Variants in DPYD observed in about 807,000 individuals in gnomAD.
DPYD encodes dihydropyrimidine dehydrogenase.
In DPYD, 109 loss-of-function variants were observed where a neutral mutation model predicts 116.2. That is an observed-to-expected ratio of 0.94 (90% CI 0.80 to 1.10). The LOEUF (loss-of-function observed/expected upper bound fraction) is 1.10. Ranked by LOEUF, DPYD falls within the 50% of genes least tolerant of loss-of-function variation. The pLI is 0.00. For synonymous variants in DPYD, 440 were observed against 432.0 expected (o/e 1.02, Z -0.23); for missense variants, 1,302 against 1,254.5 (o/e 1.04, Z -0.57).
At chr1:97,314,102 T>A (rs1236930308) in intron 16 of DPYD, among the ~76,000 whole-genome samples, 1 of 151,938 alleles carries the variant, frequency 6.6e-6, no homozygotes. Flanking sequence ...ATGCTCTCCA[T>A]CAGTGAGCTA....
At chr1:97,758,645 TCCAC>T (rs1333619019) in intron 3 of DPYD, among the ~76,000 whole-genome samples, 1 of 152,198 alleles carries the variant, frequency 6.6e-6, no homozygotes, top group Non-Finnish European at 1.5e-5. Context: ...TTCCAGCTTC[TCCAC>T]CCTGTAGTTC....
chr1:97,490,671 T>C (rs1374689399), intron 13 of DPYD, among the ~76,000 whole-genome samples: 1 of 151,152 alleles, frequency 6.6e-6, no homozygotes, highest in African/African-American at 2.4e-5. Flanking sequence ...GAAGGTGAAC[T>C]TAGGTGTACA....
intron 13 of DPYD, among the ~76,000 whole-genome samples, chr1:97,489,917 T>A (rs1272396261): frequency 2.6e-5 from 4 of 152,180 alleles, no homozygotes; most frequent in Admixed American, 1.3e-4. Flanking sequence ...CCTTTAACAT[T>A]AATACCTATA....
intron 8 of DPYD, among the ~76,000 whole-genome samples, chr1:97,632,840 A>G (rs1657350842): frequency 6.6e-6 from 1 of 152,112 alleles, no homozygotes; most frequent in Non-Finnish European, 1.5e-5. Context: ...TTTTTAAAAG[A>G]CGAAAATTAG....
At chr1:97,843,093 T>C (rs1175885496) in intron 2 of DPYD, among the ~76,000 whole-genome samples, 1 of 152,118 alleles carries the variant, frequency 6.6e-6, no homozygotes, top group African/African-American at 2.4e-5. Flanking sequence ...TCCAATCTTT[T>C]AGCCTTCCTT....
At position 97,854,413 on chromosome 1, in the gene DPYD, T is replaced by C. The variant is rs539174917; in HGVS notation, c.151-26217A>G. Among the ~76,000 whole-genome samples, 7 of 152,330 alleles carry C rather than the reference T, an allele frequency of 4.6e-5. No individual in the cohort carries two copies. In the South Asian group the frequency reaches 1.5e-3, roughly 32 times the overall value. On this transcript the variant is annotated intron_variant, in intron 2 of 22. Coordinates refer to ENST00000370192, the MANE Select transcript of DPYD (RefSeq NM_000110.4). ...CTAAAAATAACATATAATACATTTA[T>C]GTAATACATGGTTATAGTTCAAAGA...
At chr1:97,576,214 G>T (rs1653253274) in intron 10 of DPYD, among the ~76,000 whole-genome samples, 1 of 152,024 alleles carries the variant, frequency 6.6e-6, no homozygotes, top group Admixed American at 6.5e-5. Context: ...CCAGTTTATT[G>T]TGTTTCAAAA....
chr1:97,247,128 G>A (rs1321542724), intron 18 of DPYD, among the ~76,000 whole-genome samples: 1 of 152,086 alleles, frequency 6.6e-6, no homozygotes, highest in Non-Finnish European at 1.5e-5. Flanking sequence ...AAGAGAACAA[G>A]TGTTCCACTC....
At chr1:97,211,135 T>C (rs1660005982) in intron 19 of DPYD, among the ~76,000 whole-genome samples, 1 of 152,214 alleles carries the variant, frequency 6.6e-6, no homozygotes, top group Admixed American at 6.6e-5. Flanking sequence ...GAACACTTTC[T>C]ACAAAGTACT....
At chr1:97,345,776 A>C (rs1457022970) in intron 16 of DPYD, among the ~76,000 whole-genome samples, 1 of 151,962 alleles carries the variant, frequency 6.6e-6, no homozygotes, top group Non-Finnish European at 1.5e-5. Flanking sequence ...GATAACATAT[A>C]GTATGCATAG....
chr1:97,752,484 T>C (rs926549675), intron 3 of DPYD, among the ~76,000 whole-genome samples: 4 of 152,222 alleles, frequency 2.6e-5, no homozygotes, highest in Non-Finnish European at 2.9e-5. Context: ...TTAAAATCCC[T>C]GTCTGATCAC....
At chr1:97,895,940 A>G (rs2101671993) in intron 1 of DPYD, among the ~76,000 whole-genome samples, 1 of 151,884 alleles carries the variant, frequency 6.6e-6, no homozygotes, top group Admixed American at 6.6e-5. Context: ...CCAATTTAAG[A>G]GAACAAATAT....
At chr1:97,371,353 G>A (rs1179129106) in intron 16 of DPYD, among the ~76,000 whole-genome samples, 1 of 152,204 alleles carries the variant, frequency 6.6e-6, no homozygotes, top group Non-Finnish European at 1.5e-5. Flanking sequence ...TTAGCACATA[G>A]TAAGTTTTCA....
intron 20 of DPYD, among the ~76,000 whole-genome samples, chr1:97,116,260 C>T (rs1651952075): frequency 6.6e-6 from 1 of 152,094 alleles, no homozygotes; most frequent in Admixed American, 6.5e-5. Flanking sequence ...TAGCTGGCTC[C>T]CTATTCAATG....
At chr1:97,446,736 TA>T (rs1218614626) in intron 14 of DPYD, among the ~76,000 whole-genome samples, 1 of 151,984 alleles carries the variant, frequency 6.6e-6, no homozygotes, top group Admixed American at 6.6e-5. Flanking sequence ...TATTTTTTGT[TA>T]AAAAAAATTT....
intron 13 of DPYD, among the ~76,000 whole-genome samples, chr1:97,450,475 A>G (rs941570259): frequency 9.2e-5 from 14 of 152,146 alleles, no homozygotes; most frequent in Non-Finnish European, 2.9e-5. Context: ...AAATAAAAAT[A>G]TTTATATTCA....
chr1:97,467,041 G>A (rs1677364606), intron 13 of DPYD, among the ~76,000 whole-genome samples: 2 of 152,126 alleles, frequency 1.3e-5, no homozygotes, highest in African/African-American at 4.8e-5. Flanking sequence ...AAGTAAATAA[G>A]CAAATTGATA....
In DPYD at chr1:97,079,072, A is replaced by T; in HGVS notation, c.2982T>A (p.Ser994Arg). 6.2e-7 allele frequency: 1 copy of T among 1,613,800 alleles called. No homozygotes were observed. Among genetic ancestry groups the T allele is most frequent in the Non-Finnish European group, 8.5e-7 (1 of 1,179,758 alleles). Residue 994 changes from serine (S) to arginine (R), a missense_variant, in exon 23 of 23, where the codon AGT becomes AGA. Ser to Arg is a moderately radical substitution (Grantham distance 110). Transcript: ENST00000370192. The stretch of plus-strand genomic sequence containing the variant: ...TGATGCAGTCGACAATAGGGCAAAC[A>T]CTGAGACACAGAGTACAGCCTGTAC... ...DTCTGCTLCL[S>R]VCPIVDCIKM...
intron 11 of DPYD, among the ~76,000 whole-genome samples, chr1:97,562,163 C>G (rs1434294428): frequency 6.6e-6 from 1 of 152,124 alleles, no homozygotes; most frequent in Admixed American, 6.6e-5. Flanking sequence ...TGTAGGAGGG[C>G]AGATTAGTAG....
Sources: allele counts gnomAD v4.1 joint callset (sites outside exome capture counted in the v4.1 genomes callset), GRCh38; gene constraint gnomAD v4.1.1; transcripts MANE v1.5; gene names NCBI Gene and HGNC (gene_info 2026-07-23, HGNC 2026-07-21).